The following ZNF362 variants were observed in gnomAD, a reference collection of about 807,000 sequenced individuals.
The protein encoded by ZNF362 is rotund homolog.
Under a neutral mutation model 42.9 loss-of-function variants are expected in ZNF362, and 11 were observed. The observed-to-expected ratio is 0.26, with a 90% CI of 0.16 to 0.42. The LOEUF is 0.42. Among genes scored for constraint, ZNF362 ranks in the 20% least tolerant of loss-of-function variants. The probability of loss-of-function intolerance (pLI) is 1.00; values close to 1 mark genes in which losing one functional copy is unlikely to be tolerated. For missense variants in ZNF362, 362 were observed against 576.2 expected, an observed-to-expected ratio of 0.63 and a Z score of 3.81; for synonymous variants, 255 against 257.3, an observed-to-expected ratio of 0.99 and a Z score of 0.09.
the ZNF362 span, among the ~76,000 whole-genome samples, chr1:33,218,505 A>G: frequency 6.6e-6 from 1 of 152,182 alleles, no homozygotes; most frequent in Admixed American, 6.5e-5. Context: ...TGCTACTGAC[A>G]ATACATGAAT....
At chr1:33,258,981 T>G (rs1430678555) in intron 1 of ZNF362, among the ~76,000 whole-genome samples, 2 of 152,166 alleles carry the variant, frequency 1.3e-5, no homozygotes, top group African/African-American at 4.8e-5. Flanking sequence ...GGAAGGACTC[T>G]TCTAGGTTTT....
chr1:33,200,987 A>G, the ZNF362 span, among the ~76,000 whole-genome samples: 1 of 152,224 alleles, frequency 6.6e-6, no homozygotes, highest in Admixed American at 6.5e-5. Flanking sequence ...CTACAAGACA[A>G]GGAGAGAGGC....
the ZNF362 span, chr1:33,146,734 T>A: frequency 6.2e-5 from 12 of 193,318 alleles, no homozygotes; most frequent in African/African-American, 2.8e-4. Flanking sequence ...AAATGGCCCA[T>A]CACTAGCTTG....
Position 33,258,608 on chromosome 1 carries a change from G to T in ZNF362, c.-89+1954G>T, listed in dbSNP as rs540726609. On this transcript the variant is annotated intron_variant, in intron 1 of 8. Transcript: ENST00000539719. Reference sequence around the variant, plus strand: ...AGGAGACTGAGACCGGGACCTGGGTGTTCAGGCTTCCACTGCTGGGCTCCC... The same window carrying T: ...AGGAGACTGAGACCGGGACCTGGGTTTTCAGGCTTCCACTGCTGGGCTCCC... 7.9e-5 allele frequency among the ~76,000 whole-genome samples: 12 copies of T among 152,226 alleles called. No individual in the cohort carries two copies. In the South Asian group the frequency reaches 2.5e-3, roughly 32 times the overall value.
At chr1:33,202,888 TA>T in the ZNF362 span, among the ~76,000 whole-genome samples, 2 of 152,166 alleles carry the variant, frequency 1.3e-5, no homozygotes, top group African/African-American at 4.8e-5. Context: ...ATAAATACCT[TA>T]AATATGATGT....
chr1:33,167,043 C>T, the ZNF362 span, among the ~76,000 whole-genome samples: 1 of 152,222 alleles, frequency 6.6e-6, no homozygotes. This position sits in a 1 kb window ranked among gnomAD's most constrained non-coding sequence, Gnocchi z 4.2. Context: ...GTGCCTCCAC[C>T]ATCTTGAGCT....
At chr1:33,151,590 C>T in the ZNF362 span, among the ~76,000 whole-genome samples, 1 of 152,172 alleles carries the variant, frequency 6.6e-6, no homozygotes, top group Non-Finnish European at 1.5e-5. Context: ...AGGTGACAGG[C>T]CCAGCAAAAC....
the ZNF362 span, among the ~76,000 whole-genome samples, chr1:33,221,551 TC>T: frequency 6.6e-6 from 1 of 152,234 alleles, no homozygotes; most frequent in African/African-American, 2.4e-5. Flanking sequence ...CTCATCAAGA[TC>T]TTATTTAATC....
the ZNF362 span, among the ~76,000 whole-genome samples, chr1:33,246,348 C>T: frequency 1.6e-4 from 25 of 152,148 alleles, no homozygotes; most frequent in South Asian, 6.2e-4. Flanking sequence ...GGGTGTCTCT[C>T]GAGGAAAGAC....
the ZNF362 span, among the ~76,000 whole-genome samples, chr1:33,169,423 G>A: frequency 0.045 from 6,888 of 152,104 alleles, 254 homozygotes; most frequent in African/African-American, 0.1. Flanking sequence ...TTCTTTTCTG[G>A]GCTGTGGCCC....
the ZNF362 span, among the ~76,000 whole-genome samples, chr1:33,197,509 G>A: frequency 7.2e-5 from 11 of 152,200 alleles, no homozygotes; most frequent in Non-Finnish European, 1.6e-4. Flanking sequence ...ATCAAAAGTC[G>A]TTATGCAGTG....
chr1:33,189,654 T>TAC, the ZNF362 span, among the ~76,000 whole-genome samples: 1 of 15,534 alleles, frequency 6.4e-5, no homozygotes, highest in African/African-American at 1.2e-4. Context: ...TATATATATA[T>TAC]ATATATATAT....
intron 6 of ZNF362, among the ~76,000 whole-genome samples, chr1:33,290,508 G>A (rs1468073119): frequency 1.3e-5 from 2 of 152,086 alleles, no homozygotes; most frequent in Admixed American, 1.3e-4. Context: ...ATTGTGAATA[G>A]TGCCGCAATA....
At chr1:33,218,949 A>G in the ZNF362 span, among the ~76,000 whole-genome samples, 3 of 147,726 alleles carry the variant, frequency 2.0e-5, no homozygotes, top group African/African-American at 7.4e-5. Context: ...ACACACACAC[A>G]CACACACACA....
At chr1:33,290,779 T>C (rs28832669) in intron 6 of ZNF362, among the ~76,000 whole-genome samples, 55 of 152,316 alleles carry the variant, frequency 3.6e-4, no homozygotes, top group African/African-American at 1.2e-3. Context: ...GATGGTATCT[T>C]ATTGTGGTTT....
chr1:33,155,372 C>T, the ZNF362 span, among the ~76,000 whole-genome samples: 1 of 151,984 alleles, frequency 6.6e-6, no homozygotes, highest in Non-Finnish European at 1.5e-5. Flanking sequence ...TGCCCGGCCT[C>T]CCCTGACTCT....
the ZNF362 span, among the ~76,000 whole-genome samples, chr1:33,192,121 G>C: frequency 6.6e-6 from 1 of 152,098 alleles, no homozygotes; most frequent in African/African-American, 2.4e-5. Flanking sequence ...GGCTTTCTAG[G>C]TTTCATACCA....
the ZNF362 span, among the ~76,000 whole-genome samples, chr1:33,230,545 T>C: frequency 3.9e-5 from 6 of 152,224 alleles, no homozygotes; most frequent in Non-Finnish European, 7.3e-5. Context: ...CACCGAATAC[T>C]TCACATGTGT....
intron 6 of ZNF362, among the ~76,000 whole-genome samples, chr1:33,290,785 G>A (rs1266005354): frequency 2.0e-5 from 3 of 152,280 alleles, no homozygotes; most frequent in East Asian, 3.9e-4. Flanking sequence ...ATCTTATTGT[G>A]GTTTCGATTT....
Sources: gnomAD v4.1 joint callset for allele counts (sites outside exome capture counted in the v4.1 genomes callset) on GRCh38, gnomAD v4.1.1 for gene constraint, Gnocchi (gnomAD v3.1) non-coding constraint, MANE v1.5 for transcripts, NCBI Gene and HGNC (gene_info 2026-07-23, HGNC 2026-07-21) for gene names.